TRAPPC9: variants seen among roughly 807,000 people sequenced by gnomAD.
TRAPPC9 encodes IKK2 binding protein.
A neutral mutation model predicts 124.0 loss-of-function variants in TRAPPC9; 83 were observed. The ratio of observed to expected loss-of-function variants is 0.67; its 90% CI spans 0.56 to 0.80. TRAPPC9 has a LOEUF of 0.80. Among genes scored for constraint, TRAPPC9 ranks in the 30% least tolerant of loss-of-function variants. The pLI is 0.00. For synonymous variants in TRAPPC9, 638 were observed against 617.5 expected (o/e 1.03, Z -0.49); for missense variants, 1,302 against 1,508.3 (o/e 0.86, Z 2.27).
chr8:140,243,874 G>A lies in TRAPPC9; in HGVS notation c.2431+8903C>T, dbSNP rs865841422. On this transcript the variant is annotated intron_variant, in intron 16 of 22. Coordinates refer to ENST00000438773, the MANE Select transcript of TRAPPC9 (RefSeq NM_001160372.4). Reference sequence around the variant, plus strand: ...AAGGCGGGGGCCCGCAACCCCTGGTGGCCTGTTAGGAACTGAGCCGCACAG... The same window carrying A: ...AAGGCGGGGGCCCGCAACCCCTGGTAGCCTGTTAGGAACTGAGCCGCACAG... 1.6e-4 allele frequency among the ~76,000 whole-genome samples: 25 copies of A among 152,276 alleles called. 1 individual carries two copies. Among genetic ancestry groups the A allele is most frequent in the Non-Finnish European group, 3.1e-4 (21 of 68,052 alleles).
chr8:140,404,546 C>T (rs1429680806), intron 6 of TRAPPC9, among the ~76,000 whole-genome samples: 1 of 152,142 alleles, frequency 6.6e-6, no homozygotes, highest in Non-Finnish European at 1.5e-5. Context: ...TCCACATGCT[C>T]TGAAAGAAGC....
chr8:140,057,511 A>G (rs1842358425), intron 17 of TRAPPC9, among the ~76,000 whole-genome samples: 1 of 152,238 alleles, frequency 6.6e-6, no homozygotes, highest in African/African-American at 2.4e-5. Context: ...CAATCTTTCA[A>G]AAGAAGAAAC....
chr8:139,916,984 C>G (rs1336843163), intron 19 of TRAPPC9, among the ~76,000 whole-genome samples: 3 of 152,050 alleles, frequency 2.0e-5, no homozygotes, highest in Non-Finnish European at 4.4e-5. Flanking sequence ...AGTACGATGC[C>G]AAGTGAGAGG....
intron 14 of TRAPPC9, among the ~76,000 whole-genome samples, chr8:140,281,714 G>C (rs2131696476): frequency 6.6e-6 from 1 of 152,280 alleles, no homozygotes; most frequent in Non-Finnish European, 1.5e-5. Context: ...TCTTCTAAAA[G>C]TTATATATTT....
intron 7 of TRAPPC9, among the ~76,000 whole-genome samples, chr8:140,384,681 G>C (rs557832654): frequency 5.6e-4 from 86 of 152,250 alleles, no homozygotes; most frequent in African/African-American, 2.0e-3. Flanking sequence ...AGTCTTCAGA[G>C]ACCTACAAAG....
chr8:140,270,713 G>C (rs919797020), intron 15 of TRAPPC9, among the ~76,000 whole-genome samples: 4 of 152,216 alleles, frequency 2.6e-5, no homozygotes, highest in African/African-American at 9.6e-5. Flanking sequence ...GAGGAGGCAG[G>C]AGGGGTGGGA....
chr8:140,402,601 T>C (rs955192813), intron 6 of TRAPPC9, among the ~76,000 whole-genome samples: 6 of 149,276 alleles, frequency 4.0e-5, no homozygotes, highest in African/African-American at 1.5e-4. Flanking sequence ...AAGCCAGAGG[T>C]GGGGGGATCA....
At chr8:140,056,790 A>G (rs1355532493) in intron 17 of TRAPPC9, among the ~76,000 whole-genome samples, 1 of 152,228 alleles carries the variant, frequency 6.6e-6, no homozygotes, top group African/African-American at 2.4e-5. Flanking sequence ...AACACAGGCA[A>G]CAAAAGCAAA....
At chr8:140,044,455 T>A (rs1231156993) in intron 17 of TRAPPC9, among the ~76,000 whole-genome samples, 1 of 152,166 alleles carries the variant, frequency 6.6e-6, no homozygotes, top group East Asian at 1.9e-4. Flanking sequence ...GTGGCAGAAT[T>A]TGGTTCCATA....
chr8:140,072,575 G>A (rs988742805), intron 17 of TRAPPC9, among the ~76,000 whole-genome samples: 2 of 42,856 alleles, frequency 4.7e-5, no homozygotes, highest in Admixed American at 5.7e-4. Flanking sequence ...GAGAAAGGAA[G>A]GAGGAGGAGG....
intron 17 of TRAPPC9, among the ~76,000 whole-genome samples, chr8:140,058,175 G>T (rs1175666139): frequency 6.6e-6 from 1 of 152,082 alleles, no homozygotes. Context: ...CAGCAATGGT[G>T]GAACATTAAT....
intron 21 of TRAPPC9, among the ~76,000 whole-genome samples, chr8:139,874,452 T>C (rs1829191501): frequency 6.6e-6 from 1 of 152,122 alleles, no homozygotes; most frequent in African/African-American, 2.4e-5. Context: ...AAAGACACCA[T>C]GCTGGGGGTG....
intron 17 of TRAPPC9, among the ~76,000 whole-genome samples, chr8:140,195,052 G>A (rs1314839273): frequency 6.6e-6 from 1 of 151,856 alleles, no homozygotes; most frequent in Non-Finnish European, 1.5e-5. Context: ...CCACTGTACA[G>A]ATCACGCCTG....
chr8:140,213,058 A>C (rs2063101085), intron 17 of TRAPPC9, among the ~76,000 whole-genome samples: 1 of 148,818 alleles, frequency 6.7e-6, no homozygotes, highest in South Asian at 2.2e-4. Context: ...GTGACAGAGC[A>C]AGACTCTGTC....
chr8:139,777,788 C>G (rs1018785099), intron 21 of TRAPPC9, among the ~76,000 whole-genome samples: 2 of 152,120 alleles, frequency 1.3e-5, no homozygotes, highest in Non-Finnish European at 2.9e-5. Context: ...GAACAAAGAA[C>G]AGAGAGAGAA....
intron 21 of TRAPPC9, among the ~76,000 whole-genome samples, chr8:139,812,904 G>A (rs543840106): frequency 9.2e-5 from 14 of 152,202 alleles, no homozygotes; most frequent in Non-Finnish European, 1.6e-4. Context: ...TAAAAACACC[G>A]AGTGTGTGAG....
intron 18 of TRAPPC9, among the ~76,000 whole-genome samples, chr8:139,994,147 C>A (rs1837818966): frequency 6.6e-6 from 1 of 152,168 alleles, no homozygotes; most frequent in South Asian, 2.1e-4. Context: ...AGGGTTTGCA[C>A]AGAGCTAGTG....
At chr8:140,417,555 G>A (rs1481610568) in intron 5 of TRAPPC9, among the ~76,000 whole-genome samples, 4 of 152,170 alleles carry the variant, frequency 2.6e-5, no homozygotes, top group African/African-American at 9.7e-5. Context: ...AAAAAGTCAG[G>A]AAACAACAGA....
At position 139,791,467 on chromosome 8, in the gene TRAPPC9, G is replaced by A. The variant is rs543551250; in HGVS notation, c.3056-59265C>T. On this transcript the variant is annotated intron_variant, in intron 21 of 22. Coordinates refer to ENST00000438773, the MANE Select transcript of TRAPPC9 (RefSeq NM_001160372.4). ...ACAGACTCACGGGTACCCGTCTCCC[G>A]TGCACAGACTCACACAGGCACCCAT... Among the ~76,000 whole-genome samples, 8 of 146,468 alleles carry A rather than the reference G, an allele frequency of 5.5e-5. No homozygotes were observed. In the South Asian group the frequency reaches 6.5e-4, roughly 12 times the overall value.
Sources: allele counts gnomAD v4.1 joint callset (sites outside exome capture counted in the v4.1 genomes callset), GRCh38; gene constraint gnomAD v4.1.1; transcripts MANE v1.5; gene names NCBI Gene and HGNC (gene_info 2026-07-23, HGNC 2026-07-21).